Variants in DOCK4 observed in about 807,000 individuals in gnomAD.
DOCK4 encodes dedicator of cytokinesis 4.
Under a neutral mutation model 268.1 loss-of-function variants are expected in DOCK4, and 97 were observed. The observed-to-expected ratio is 0.36, with a 90% CI of 0.31 to 0.43. The LOEUF (loss-of-function observed/expected upper bound fraction) is 0.43, where lower values mean the gene tolerates loss of function less well. DOCK4 is among the 20% of genes least tolerant of loss of function. The pLI is 1.00. For synonymous variants in DOCK4, 954 were observed against 887.2 expected, an observed-to-expected ratio of 1.08 and a Z score of -1.34; for missense variants, 2,145 against 2,455.7, an observed-to-expected ratio of 0.87 and a Z score of 2.67.
At chr7:112,100,653 T>C (rs1042210416) in intron 1 of DOCK4, among the ~76,000 whole-genome samples, 3 of 152,206 alleles carry the variant, frequency 2.0e-5, no homozygotes, top group African/African-American at 4.8e-5. Flanking sequence ...TCAAAGTGCA[T>C]CAGACATGCT....
intron 1 of DOCK4, among the ~76,000 whole-genome samples, chr7:112,202,198 T>C (rs570029037): frequency 8.9e-4 from 136 of 152,352 alleles, no homozygotes; most frequent in Non-Finnish European, 1.9e-3. Context: ...CCTGTGAATA[T>C]ATACCAAGCA....
At chr7:112,161,037 T>G (rs1319843407) in intron 1 of DOCK4, among the ~76,000 whole-genome samples, 1 of 152,148 alleles carries the variant, frequency 6.6e-6, no homozygotes, top group East Asian at 1.9e-4. Context: ...GTCATAGGCT[T>G]TAATAATTAA....
intron 1 of DOCK4, among the ~76,000 whole-genome samples, chr7:112,008,994 AAAAC>A (rs986862774): frequency 3.9e-5 from 6 of 152,310 alleles, no homozygotes; most frequent in East Asian, 1.9e-4. Context: ...CTCCATCTCC[AAAAC>A]AAACAAACAA....
At chr7:111,816,575 T>C (rs1174297769) in intron 27 of DOCK4, among the ~76,000 whole-genome samples, 1 of 152,112 alleles carries the variant, frequency 6.6e-6, no homozygotes, top group Non-Finnish European at 1.5e-5. Context: ...TGGTCATCCT[T>C]CTTATTTTGA....
intron 47 of DOCK4, among the ~76,000 whole-genome samples, chr7:111,740,729 TAAAAAAAAAAAAAAA>T (rs59019816): frequency 4.7e-3 from 78 of 16,490 alleles, no homozygotes; most frequent in African/African-American, 0.021. Flanking sequence ...TGAGACTCGC[TAAAAAAAAAAAAAAA>T]AAAAAAAAAA....
In DOCK4 at chr7:111,743,260, G is replaced by A. The variant is rs114850871; in HGVS notation, c.4678-1128C>T. On this transcript the variant is annotated intron_variant, in intron 44 of 52. Transcript: ENST00000428084. The stretch of plus-strand genomic sequence containing the variant: ...AAATTCCATAGACTGGGAGGAAAAC[G>A]AATCCTATATCACCACAAGGTTTTG... Among the ~76,000 whole-genome samples, 951 of 152,218 alleles carry A rather than the reference G, an allele frequency of 6.2e-3. 7 individuals carry two copies. The highest frequency in any genetic ancestry group is 0.022 in the African/African-American group (927 of 41,528).
chr7:112,173,446 C>CCTT (rs2116624599), intron 1 of DOCK4, among the ~76,000 whole-genome samples: 1 of 152,230 alleles, frequency 6.6e-6, no homozygotes, highest in African/African-American at 2.4e-5. Context: ...AGGCAGCAGG[C>CCTT]CTTCTTACCC....
At chr7:111,853,812 C>A (rs775411652) in intron 23 of DOCK4, among the ~76,000 whole-genome samples, 2 of 152,190 alleles carry the variant, frequency 1.3e-5, no homozygotes, top group Non-Finnish European at 2.9e-5. Flanking sequence ...TACATAGCCA[C>A]CCTGCCACAC....
intron 1 of DOCK4, among the ~76,000 whole-genome samples, chr7:112,138,859 A>G (rs1006679259): frequency 3.9e-5 from 6 of 152,174 alleles, no homozygotes; most frequent in Non-Finnish European, 8.8e-5. Flanking sequence ...ACATGCACCA[A>G]GAAAAAGCCA....
At chr7:111,783,741 G>T in intron 34 of DOCK4, 116 bp downstream of exon 34, 2 of 903,238 alleles carry the variant, frequency 2.2e-6, no homozygotes, top group Non-Finnish European at 3.4e-6. Context: ...CAGGTTCCAT[G>T]GTCTGATAAT....
intron 5 of DOCK4, among the ~76,000 whole-genome samples, chr7:111,991,820 G>A (rs773286390): frequency 6.6e-6 from 1 of 151,944 alleles, no homozygotes; most frequent in Admixed American, 6.5e-5. Context: ...AAATTAGCCA[G>A]GCGTGATGGT....
At chr7:111,856,429 C>CTG (rs1805021471) in intron 23 of DOCK4, among the ~76,000 whole-genome samples, 1 of 152,198 alleles carries the variant, frequency 6.6e-6, no homozygotes, top group Non-Finnish European at 1.5e-5. Flanking sequence ...TATCTTTGCC[C>CTG]TGTCTAGAGA....
At chr7:111,729,103 T>G (rs1018159039) in intron 52 of DOCK4, among the ~76,000 whole-genome samples, 1 of 152,124 alleles carries the variant, frequency 6.6e-6, no homozygotes, top group Non-Finnish European at 1.5e-5. Context: ...CCACCCAGTT[T>G]GTGGTATTTT....
At chr7:111,955,552 C>T (rs963951271) in intron 8 of DOCK4, among the ~76,000 whole-genome samples, 5 of 152,138 alleles carry the variant, frequency 3.3e-5, no homozygotes, top group Non-Finnish European at 7.4e-5. Context: ...TTCTTTCTTA[C>T]TAGTCAGGAT....
intron 1 of DOCK4, among the ~76,000 whole-genome samples, chr7:112,110,734 A>G (rs1811576078): frequency 6.6e-6 from 1 of 152,184 alleles, no homozygotes; most frequent in African/African-American, 2.4e-5. Context: ...CAACCCTATC[A>G]TGGGCTGCTC....
chr7:112,062,096 GTA>G (rs1268838750), intron 1 of DOCK4, among the ~76,000 whole-genome samples: 1 of 152,152 alleles, frequency 6.6e-6, no homozygotes, highest in African/African-American at 2.4e-5. Context: ...TGACTCCAAA[GTA>G]TGTTTTTTCA....
Position 111,863,550 on chromosome 7 carries a change from G to A in DOCK4, c.2295C>T (p.Ser765=). ...GTTCTGAGTACACGGCAGGGAAAGA[G>A]CTCAGAAACACAGCCTTAAAAAGAA... is the stretch of plus-strand genomic sequence containing the variant. ...ALSQSQAVFL[S]SFPAVYSELL... The change falls in exon 23 of 53, where the codon AGC becomes AGT. Residue 765 remains serine (S), a synonymous_variant. Coordinates refer to ENST00000428084, the MANE Select transcript of DOCK4 (RefSeq NM_001363540.2). 1 of 1,603,402 alleles carries A rather than the reference G, an allele frequency of 6.2e-7. No homozygotes were observed. Among genetic ancestry groups the A allele is most frequent in the Non-Finnish European group, 8.5e-7 (1 of 1,172,944 alleles).
intron 7 of DOCK4, among the ~76,000 whole-genome samples, chr7:111,980,219 ACCCCTCTTCCCAT>A (rs1181474789): frequency 2.0e-5 from 3 of 152,072 alleles, no homozygotes; most frequent in Non-Finnish European, 4.4e-5. Context: ...CACTGAAAAT[ACCCCTCTTCCCAT>A]CCCCACTATT....
At chr7:112,140,188 T>G (rs1258728550) in intron 1 of DOCK4, among the ~76,000 whole-genome samples, 1 of 151,954 alleles carries the variant, frequency 6.6e-6, no homozygotes, top group African/African-American at 2.4e-5. Context: ...CCAAGGATAC[T>G]CAAGTAAAAG....
Sources: allele counts gnomAD v4.1 joint callset (sites outside exome capture counted in the v4.1 genomes callset), GRCh38; gene constraint gnomAD v4.1.1; transcripts MANE v1.5; gene names NCBI Gene and HGNC (gene_info 2026-07-23, HGNC 2026-07-21).